The following LIAS variants were observed in gnomAD, a reference collection of about 807,000 sequenced individuals.
The protein encoded by LIAS is lipoyl synthase, mitochondrial.
In LIAS, 36 loss-of-function variants were observed where a neutral mutation model predicts 49.4. The ratio of observed to expected loss-of-function variants is 0.73; its 90% confidence interval spans 0.56 to 0.96. LIAS has a LOEUF of 0.96. LIAS is among the 40% of genes least tolerant of loss of function. LIAS has a pLI of 0.00. For synonymous variants in LIAS, 145 were observed against 155.8 expected (o/e 0.93, Z 0.52); for missense variants, 399 against 456.3 (o/e 0.87, Z 1.14).
At chr4:39,464,581 C>G (rs1420334681) in intron 4 of LIAS, among the ~76,000 whole-genome samples, 2 of 152,138 alleles carry the variant, frequency 1.3e-5, no homozygotes, top group Non-Finnish European at 2.9e-5. Context: ...ACTGCAGCCT[C>G]GAACTCCTAG....
intron 7 of LIAS, chr4:39,468,163 T>G (rs1051316742): frequency 2.6e-5 from 4 of 152,164 alleles, no homozygotes; most frequent in African/African-American, 9.7e-5. Context: ...TTGCTTTGGT[T>G]GTAATTCTAA....
intron 1 of LIAS, among the ~76,000 whole-genome samples, chr4:39,459,729 A>C (rs1230330073): frequency 6.6e-6 from 1 of 152,232 alleles, no homozygotes; most frequent in Non-Finnish European, 1.5e-5. Flanking sequence ...ACGTTCAAAC[A>C]CAGAAACAAT....
chr4:39,476,357 C>T (rs1008063124), intron 10 of LIAS: 3 of 152,230 alleles, frequency 2.0e-5, no homozygotes, highest in Non-Finnish European at 4.4e-5. Context: ...TGTAGATAGA[C>T]TCATCACAGT....
intron 9 of LIAS, among the ~76,000 whole-genome samples, chr4:39,472,879 A>G (rs905438965): frequency 2.0e-5 from 3 of 152,156 alleles, no homozygotes; most frequent in Non-Finnish European, 4.4e-5. Flanking sequence ...CAAAATTGAT[A>G]TGCTTCCCTG....
intron 9 of LIAS, among the ~76,000 whole-genome samples, chr4:39,472,608 G>A (rs111361291): frequency 1.0e-3 from 153 of 152,214 alleles, no homozygotes; most frequent in African/African-American, 3.6e-3. Context: ...AGCCAGAGGC[G>A]AAGAAAGAAT....
At chr4:39,476,760 G>C in intron 10 of LIAS, 1 of 248,824 alleles carries the variant, frequency 4.0e-6, no homozygotes, top group Non-Finnish European at 7.5e-6. Flanking sequence ...GATAGATAGT[G>C]CACATAAAGT....
At chr4:39,463,670 C>A in intron 4 of LIAS, 65 bp downstream of exon 4, 1 of 1,516,098 alleles carries the variant, frequency 6.6e-7, no homozygotes, top group Non-Finnish European at 8.9e-7. Context: ...TTGTGTCTTC[C>A]TCCTAAAAAT....
rs984126692 is a variant in LIAS at position 39,467,654 on chromosome 4, C to T, written c.737+8C>T. The T allele has an allele frequency of 7.7e-6, 12 of 1,548,818 alleles. No homozygotes were observed. Among genetic ancestry groups the T allele is most frequent in the Middle Eastern group, 3.4e-4 (2 of 5,858 alleles). ...AGTCCCGGAATTACAGAGGTGAATA[C>T]GTGTACAAAGTAATGTTGGGAAGTT... On this transcript the variant is annotated splice_region_variant and intron_variant, in intron 7 of 10. Transcript: ENST00000640888.
chr4:39,460,703 TACCC>T, intron 1 of LIAS, 83 bp from the exon 2 acceptor site: 2 of 1,131,230 alleles, frequency 1.8e-6, no homozygotes, highest in African/African-American at 1.6e-5. Flanking sequence ...TTTTTGGCTT[TACCC>T]TTCCGTTTAG....
At chr4:39,471,516 A>ATTTT (rs1290713850) in intron 9 of LIAS, among the ~76,000 whole-genome samples, 22 of 73,252 alleles carry the variant, frequency 3.0e-4, no homozygotes, top group South Asian at 8.0e-4. Flanking sequence ...ACATATATAT[A>ATTTT]ATTTTTTTTT....
At chr4:39,467,719 G>T in intron 7 of LIAS, 73 bp downstream of exon 7, 1 of 1,339,422 alleles carries the variant, frequency 7.5e-7, no homozygotes, top group South Asian at 2.2e-5. Context: ...GCCTTTTCCA[G>T]GGCTGAACTT....
chr4:39,471,118 C>A, intron 8 of LIAS, 118 bp from the exon 9 acceptor site: 1 of 703,410 alleles, frequency 1.4e-6, no homozygotes, highest in Non-Finnish European at 2.5e-6. Flanking sequence ...TATTCCCCAA[C>A]ATGAAGATTA....
intron 10 of LIAS, 176 bp from the exon 11 acceptor site, chr4:39,476,887 A>T: frequency 1.8e-6 from 1 of 556,588 alleles, no homozygotes; most frequent in Non-Finnish European, 3.2e-6. Context: ...GGCCAAAGAT[A>T]ATAGGGGATA....
chr4:39,463,265 G>A (rs1483791988), intron 3 of LIAS, among the ~76,000 whole-genome samples: 1 of 151,952 alleles, frequency 6.6e-6, no homozygotes, highest in African/African-American at 2.4e-5. Context: ...TTGATTTTTT[G>A]TAGAGGCAGG....
chr4:39,471,827 C>G lies in LIAS; in HGVS notation c.954+521C>G, dbSNP rs994447081. Among the ~76,000 whole-genome samples the G allele has an allele frequency of 4.7e-4, 72 of 151,996 alleles. 1 individual carries two copies. Among genetic ancestry groups the G allele is most frequent in the African/African-American group, 1.7e-3 (72 of 41,458 alleles). On this transcript the variant is annotated intron_variant, in intron 9 of 10. Coordinates refer to ENST00000640888, the MANE Select transcript of LIAS (RefSeq NM_006859.4). Reference sequence around the variant, plus strand: ...ACAGGCGTGAGCCACCGCACCCAGCCAATTTTTTATATTTTTAATAGAGAT... The same window carrying G: ...ACAGGCGTGAGCCACCGCACCCAGCGAATTTTTTATATTTTTAATAGAGAT...
intron 7 of LIAS, chr4:39,469,809 C>G (rs565951561): frequency 7.4e-6 from 3 of 406,596 alleles, no homozygotes; most frequent in African/African-American, 2.0e-5. Flanking sequence ...TTCTACTTTT[C>G]TCTGCCCCAG....
At chr4:39,465,705 G>A (rs1744730576) in intron 6 of LIAS, among the ~76,000 whole-genome samples, 1 of 136,928 alleles carries the variant, frequency 7.3e-6, no homozygotes, top group Non-Finnish European at 1.6e-5. Context: ...TCGCTCTTTT[G>A]CCCAGGCTAG....
intron 7 of LIAS, chr4:39,469,699 G>T: frequency 4.4e-6 from 1 of 225,200 alleles, no homozygotes; most frequent in Non-Finnish European, 8.8e-6. Flanking sequence ...TCTTTGTTCA[G>T]TATGGAGACT....
chr4:39,478,515 A>G lies in LIAS; in HGVS notation c.*1400A>G, dbSNP rs968217192. 7 of 152,192 alleles carry G rather than the reference A, an allele frequency of 4.6e-5. No homozygotes were observed. Among genetic ancestry groups the G allele is most frequent in the Admixed American group, 3.9e-4 (6 of 15,274 alleles). The allele number at this position is 152,192 out of a possible 1,614,324, so 9.4% of individuals were successfully genotyped here. On this transcript the variant is annotated 3_prime_UTR_variant, in exon 11 of 11. Transcript: ENST00000640888. ...TGAGACTGTCTCAAAAAAAAAGTAA[A>G]TGTTGATTTTTTACATTGGTGTGAC...
Sources: allele counts gnomAD v4.1 joint callset (sites outside exome capture counted in the v4.1 genomes callset), GRCh38; gene constraint gnomAD v4.1.1; transcripts MANE v1.5; gene names NCBI Gene and HGNC (gene_info 2026-07-23, HGNC 2026-07-21).